Variants in CDH11 observed in about 807,000 individuals in gnomAD.
CDH11 encodes cadherin 11.
In CDH11, 11 loss-of-function variants were observed where a neutral mutation model predicts 67.8. The observed-to-expected ratio is 0.16, with a 90% confidence interval of 0.10 to 0.27. The LOEUF is 0.27. Among genes scored for constraint, CDH11 ranks in the 10% least tolerant of loss-of-function variants. CDH11 has a pLI of 1.00. For missense variants in CDH11, 847 were observed against 1,031.2 expected (o/e 0.82, Z 2.45); for synonymous variants, 419 against 400.0 (o/e 1.05, Z -0.57).
At chr16:65,101,209 C>T (rs1214412629) in intron 1 of CDH11, among the ~76,000 whole-genome samples, 1 of 152,164 alleles carries the variant, frequency 6.6e-6, no homozygotes, top group Admixed American at 6.5e-5. Flanking sequence ...GAGATGCATA[C>T]CACTCTCCTA....
intron 2 of CDH11, among the ~76,000 whole-genome samples, chr16:65,052,303 A>G (rs2142713689): frequency 6.6e-6 from 1 of 152,310 alleles, no homozygotes; most frequent in East Asian, 1.9e-4. Flanking sequence ...GACAACTAAA[A>G]AGGCAATTAC....
rs958262813 is a variant in CDH11, at chr16:64,996,566, C to T, written c.523+1996G>A. On this transcript the variant is annotated intron_variant, in intron 4 of 12. Coordinates refer to ENST00000268603, the MANE Select transcript of CDH11 (RefSeq NM_001797.4). ...TTTATAGACCCAAAGGAAAATAAATCGTTCTACAAGAAAAACGCCTGCACT... is the reference window on the plus strand; with the variant it reads ...TTTATAGACCCAAAGGAAAATAAATTGTTCTACAAGAAAAACGCCTGCACT... Among the ~76,000 whole-genome samples, 3 of 151,632 alleles carry T rather than the reference C, an allele frequency of 2.0e-5. No homozygotes were observed. The East Asian group carries it at 5.8e-4, about 29-fold the overall frequency.
At chr16:64,953,860 A>C (rs1456088307) in intron 11 of CDH11, among the ~76,000 whole-genome samples, 1 of 152,234 alleles carries the variant, frequency 6.6e-6, no homozygotes, top group East Asian at 1.9e-4. Context: ...AAACTCTTTG[A>C]TATGGGTGAC....
rs147941154 is a variant in CDH11 at position 64,988,343 on chromosome 16, G to A, written c.813C>T (p.Ser271=). The change falls in exon 7 of 13, where the codon AGC becomes AGT. Residue 271 remains serine (S), a splice_region_variant and synonymous_variant. Coordinates refer to ENST00000268603, the MANE Select transcript of CDH11 (RefSeq NM_001797.4). The part of the protein sequence containing the change: ...VNDNPPKFPQ[S]VYQMSVSEAA... ...CTTCTGACACAGACATCTGGTATAC[G>A]CCTAGAAGAAGAAGACATCTATTTT... 2.1e-5 allele frequency: 34 copies of A among 1,600,872 alleles called. No individual in the cohort carries two copies. In the East Asian group the frequency reaches 2.7e-4, roughly 13 times the overall value.
intron 8 of CDH11, chr16:64,981,103 T>TC (rs2142454628): frequency 4.9e-5 from 2 of 40,422 alleles, no homozygotes; most frequent in African/African-American, 1.4e-4. Context: ...CTTTCTTTTT[T>TC]TTTTTTTTTT....
rs2075324023 is a variant in CDH11 at position 65,121,221 on chromosome 16, G to A, written c.-298+659C>T. 6.6e-6 allele frequency among the ~76,000 whole-genome samples: 1 copy of A among 152,186 alleles called. No individual in the cohort carries two copies. The highest frequency in any genetic ancestry group is 6.5e-5 in the Admixed American group (1 of 15,288). On this transcript the variant is annotated intron_variant, in intron 1 of 12. Coordinates refer to ENST00000268603, the MANE Select transcript of CDH11 (RefSeq NM_001797.4). This position sits in a 1 kb window ranked among gnomAD's most constrained non-coding sequence, Gnocchi z 4.1. ...GGCGCCAGAGCTCCCGCAGAGACTC[G>A]GGCTGGAGGGCTGTAGCGCACCGCA...
chr16:65,029,716 A>C (rs184219823), intron 2 of CDH11, among the ~76,000 whole-genome samples: 186 of 152,348 alleles, frequency 1.2e-3, no homozygotes, highest in African/African-American at 4.3e-3. Flanking sequence ...GAATAGCGTT[A>C]GAGTAAATCG....
At chr16:65,040,933 C>A (rs1457303008) in intron 2 of CDH11, among the ~76,000 whole-genome samples, 1 of 152,102 alleles carries the variant, frequency 6.6e-6, no homozygotes, top group Non-Finnish European at 1.5e-5. Context: ...CACATATCAC[C>A]AATATCTAAT....
At chr16:65,076,692 C>T (rs143214667) in intron 1 of CDH11, among the ~76,000 whole-genome samples, 9,650 of 148,542 alleles carry the variant, frequency 0.065, 570 homozygotes, top group African/African-American at 0.16. Flanking sequence ...CCCCACCCCC[C>T]GACAAGCCCC....
At chr16:64,962,828 A>C (rs2071709205) in intron 11 of CDH11, among the ~76,000 whole-genome samples, 1 of 152,158 alleles carries the variant, frequency 6.6e-6, no homozygotes, top group African/African-American at 2.4e-5. Flanking sequence ...TTCCAACTCT[A>C]GGCCATCCCA....
At chr16:65,115,704 C>T (rs1337627566) in intron 1 of CDH11, among the ~76,000 whole-genome samples, 5 of 71,954 alleles carry the variant, frequency 6.9e-5, no homozygotes, top group Non-Finnish European at 1.3e-4. Context: ...TATAAGGCTA[C>T]ACCAAAAAAA....
intron 1 of CDH11, among the ~76,000 whole-genome samples, chr16:65,078,259 A>T (rs1282941552): frequency 5.3e-5 from 8 of 152,182 alleles, no homozygotes; most frequent in Admixed American, 5.2e-4. Flanking sequence ...TCACGCTGCT[A>T]TTTCCATGTG....
chr16:65,059,540 G>T (rs556628717), intron 1 of CDH11: 1 of 152,148 alleles, frequency 6.6e-6, no homozygotes, highest in African/African-American at 2.4e-5. Context: ...GCCAATGGAC[G>T]GTCAGGAGGC....
At chr16:65,077,183 T>C (rs1175486690) in intron 1 of CDH11, among the ~76,000 whole-genome samples, 11 of 152,252 alleles carry the variant, frequency 7.2e-5, no homozygotes, top group Non-Finnish European at 1.5e-4. Context: ...TACCTGCATG[T>C]CTAACTTCTG....
intron 8 of CDH11, among the ~76,000 whole-genome samples, chr16:64,977,821 G>A (rs1412850633): frequency 2.0e-5 from 3 of 152,200 alleles, no homozygotes; most frequent in Non-Finnish European, 4.4e-5. Flanking sequence ...GGATGTCAGT[G>A]AGAACTGACT....
chr16:65,058,514 G>T (rs2142732741), intron 1 of CDH11, among the ~76,000 whole-genome samples: 1 of 152,192 alleles, frequency 6.6e-6, no homozygotes, highest in South Asian at 2.1e-4. Context: ...GCAGATGGGG[G>T]CTTCTTCCTT....
chr16:65,113,211 G>A (rs181499208), intron 1 of CDH11, among the ~76,000 whole-genome samples: 6 of 151,952 alleles, frequency 3.9e-5, no homozygotes, highest in Non-Finnish European at 8.8e-5. Context: ...ACTTGAACCC[G>A]GGAGATGGAG....
At chr16:65,084,939 C>G (rs1275379060) in intron 1 of CDH11, among the ~76,000 whole-genome samples, 1 of 152,118 alleles carries the variant, frequency 6.6e-6, no homozygotes, top group East Asian at 1.9e-4. Flanking sequence ...GATGGAGCTT[C>G]ACTCTCATTG....
chr16:65,053,756 A>G (rs755609712), intron 2 of CDH11, 48 bp downstream of exon 2: 2 of 451,958 alleles, frequency 4.4e-6, no homozygotes, highest in African/African-American at 4.0e-5. Flanking sequence ...TTCCATCTTG[A>G]CATACATAGT....
Sources: allele counts gnomAD v4.1 joint callset (sites outside exome capture counted in the v4.1 genomes callset), GRCh38; gene constraint gnomAD v4.1.1; non-coding constraint Gnocchi (gnomAD v3.1); transcripts MANE v1.5; gene names NCBI Gene and HGNC (gene_info 2026-07-23, HGNC 2026-07-21).